PIK3R3: variants seen among roughly 807,000 people sequenced by gnomAD.
The protein encoded by PIK3R3 is phosphatidylinositol 3-kinase regulatory subunit gamma.
PIK3R3 carries 64 observed loss-of-function variants against 62.9 expected under a neutral mutation model. That is an observed-to-expected ratio of 1.02 (90% CI 0.83 to 1.25). PIK3R3 has a LOEUF of 1.25. Ranked by LOEUF, PIK3R3 falls within the 50% of genes most tolerant of loss-of-function variation. The probability of loss-of-function intolerance (pLI) is 0.00; values close to 1 mark genes in which losing one functional copy is unlikely to be tolerated. For missense variants in PIK3R3, 614 were observed against 561.6 expected (o/e 1.09, Z -0.94); for synonymous variants, 165 against 189.0 (o/e 0.87, Z 1.04).
At chr1:46,059,721 G>A (rs1648288425) in intron 6 of PIK3R3, among the ~76,000 whole-genome samples, 1 of 152,172 alleles carries the variant, frequency 6.6e-6, no homozygotes, top group Non-Finnish European at 1.5e-5. Context: ...GTGAGCCCAG[G>A]AGGTTGAGGC....
At chr1:46,157,173 G>A in the PIK3R3 span, among the ~76,000 whole-genome samples, 4 of 152,126 alleles carry the variant, frequency 2.6e-5, no homozygotes, top group South Asian at 4.1e-4. Context: ...TGACTCTATC[G>A]CCTAGGCTGG....
intron 1 of PIK3R3, among the ~76,000 whole-genome samples, chr1:46,122,974 T>A (rs1375683977): frequency 6.6e-6 from 1 of 151,996 alleles, no homozygotes; most frequent in Non-Finnish European, 1.5e-5. Context: ...GTAGTCCCAG[T>A]TACTCAGGAG....
At chr1:46,112,132 C>T (rs1486323043) in intron 1 of PIK3R3, among the ~76,000 whole-genome samples, 1 of 152,226 alleles carries the variant, frequency 6.6e-6, no homozygotes, top group Admixed American at 6.5e-5. Flanking sequence ...ACCTTTACAC[C>T]TTTCTTCAGG....
the PIK3R3 span, among the ~76,000 whole-genome samples, chr1:46,153,745 C>T: frequency 6.6e-6 from 1 of 152,242 alleles, no homozygotes; most frequent in Non-Finnish European, 1.5e-5. Flanking sequence ...GTACTATCAC[C>T]ATTCACAATT....
chr1:46,144,638 C>T, the PIK3R3 span, among the ~76,000 whole-genome samples: 6 of 151,868 alleles, frequency 4.0e-5, no homozygotes, highest in South Asian at 2.1e-4. Context: ...CATGGTGGCA[C>T]GCACCTGTAG....
the PIK3R3 span, among the ~76,000 whole-genome samples, chr1:46,150,883 A>G: frequency 7.4e-6 from 1 of 135,964 alleles, no homozygotes. Flanking sequence ...ATCTCGGCTC[A>G]CTGCAACTTC....
chr1:46,096,447 T>C (rs565184538), intron 1 of PIK3R3, among the ~76,000 whole-genome samples: 19 of 152,240 alleles, frequency 1.2e-4, no homozygotes, highest in Non-Finnish European at 2.4e-4. Flanking sequence ...TAGGCAGATT[T>C]CACTGGAATA....
At chr1:46,082,792 C>T (rs1048049389) in intron 1 of PIK3R3, among the ~76,000 whole-genome samples, 10 of 152,012 alleles carry the variant, frequency 6.6e-5, no homozygotes, top group African/African-American at 9.7e-5. Flanking sequence ...TGGCCGGGTA[C>T]GGTGGCTCAC....
chr1:46,050,318 A>C (rs1647248976), intron 7 of PIK3R3, among the ~76,000 whole-genome samples: 1 of 152,030 alleles, frequency 6.6e-6, no homozygotes, highest in African/African-American at 2.4e-5. Context: ...TAATCCCAGC[A>C]CTTTGGGAGG....
At chr1:46,137,726 C>T (rs1259149846), upstream of PIK3R3, among the ~76,000 whole-genome samples, 1 of 152,200 alleles carries the variant, frequency 6.6e-6, no homozygotes, top group Non-Finnish European at 1.5e-5. Context: ...AACAGTGGTT[C>T]CTCATGGTCC....
rs901435057 is a variant in PIK3R3 at position 46,099,223 on chromosome 1, A to G, written c.107-18473T>C. 2.6e-5 allele frequency among the ~76,000 whole-genome samples: 4 copies of G among 152,238 alleles called. No individual in the cohort carries two copies. In the East Asian group the frequency reaches 7.7e-4, roughly 29 times the overall value. ...ACCTAATTTAAAACAGAATTTTATC[A>G]GATCTTTTTAAGTTGTAATAAAACA... is the stretch of plus-strand genomic sequence containing the variant. On this transcript the variant is annotated intron_variant, in intron 1 of 9. Coordinates refer to ENST00000262741, the MANE Select transcript of PIK3R3 (RefSeq NM_003629.4).
intron 7 of PIK3R3, among the ~76,000 whole-genome samples, chr1:46,055,047 C>T (rs1329575160): frequency 2.0e-5 from 3 of 148,982 alleles, no homozygotes; most frequent in African/African-American, 5.0e-5. Context: ...GGATTACAGG[C>T]GCCCACCACT....
intron 1 of PIK3R3, among the ~76,000 whole-genome samples, chr1:46,095,594 A>T (rs1241573272): frequency 6.6e-6 from 1 of 152,222 alleles, no homozygotes; most frequent in African/African-American, 2.4e-5. Flanking sequence ...CTGTGTAGCA[A>T]ATCACCATGG....
chr1:46,073,617 C>T (rs541787873), intron 3 of PIK3R3, among the ~76,000 whole-genome samples: 1 of 151,896 alleles, frequency 6.6e-6, no homozygotes, highest in East Asian at 1.9e-4. Context: ...CCAAATAAAC[C>T]GTTGCCTTTC....
intron 3 of PIK3R3, among the ~76,000 whole-genome samples, 162 bp from the exon 4 acceptor site, chr1:46,067,253 CATATATATATATAT>C (rs71307629): frequency 3.8e-5 from 5 of 130,346 alleles, no homozygotes; most frequent in Admixed American, 3.2e-4. Context: ...TGTGTGTGAA[CATATATATATATAT>C]ATATATATAT....
chr1:46,113,992 T>C (rs1420022503), intron 1 of PIK3R3, among the ~76,000 whole-genome samples: 5 of 152,218 alleles, frequency 3.3e-5, no homozygotes, highest in Admixed American at 6.5e-5. Context: ...TGCATGGGTA[T>C]ATTTACAGAT....
chr1:46,107,044 A>C (rs1483532348), intron 1 of PIK3R3, among the ~76,000 whole-genome samples: 1 of 152,182 alleles, frequency 6.6e-6, no homozygotes, highest in Non-Finnish European at 1.5e-5. Context: ...TACAGGCGTG[A>C]GCCACCGTGC....
At chr1:46,159,432 T>C in the PIK3R3 span, among the ~76,000 whole-genome samples, 2 of 152,230 alleles carry the variant, frequency 1.3e-5, no homozygotes, top group African/African-American at 4.8e-5. Context: ...GAGAGGCTAA[T>C]TTTGCCTTAA....
upstream of PIK3R3, among the ~76,000 whole-genome samples, chr1:46,133,190 AG>A (rs202094765): frequency 0.012 from 1,802 of 152,374 alleles, 29 homozygotes; most frequent in African/African-American, 0.038. Context: ...GGACAAAGGC[AG>A]AAGGGGAAAA....
Sources: allele counts gnomAD v4.1 joint callset (sites outside exome capture counted in the v4.1 genomes callset), GRCh38; gene constraint gnomAD v4.1.1; transcripts MANE v1.5; gene names NCBI Gene and HGNC (gene_info 2026-07-23, HGNC 2026-07-21).